Variants in DLG2 observed in about 807,000 individuals in gnomAD.
DLG2 encodes the protein discs large MAGUK scaffold protein 2, also known as disks large homolog 2.
A neutral mutation model predicts 132.5 loss-of-function variants in DLG2; 45 were observed. The ratio of observed to expected loss-of-function variants is 0.34; its 90% confidence interval spans 0.27 to 0.44. The LOEUF (loss-of-function observed/expected upper bound fraction) is 0.44, where lower values mean the gene tolerates loss of function less well. DLG2 is among the 20% of genes least tolerant of loss of function. The pLI is 1.00. For synonymous variants in DLG2, 424 were observed against 419.6 expected (o/e 1.01, Z -0.13); for missense variants, 1,045 against 1,196.9 (o/e 0.87, Z 1.87).
At chr11:85,129,412 C>G (rs1196582581) in intron 5 of DLG2, among the ~76,000 whole-genome samples, 1 of 152,274 alleles carries the variant, frequency 6.6e-6, no homozygotes, top group Admixed American at 6.5e-5. Context: ...TTTATCAGAG[C>G]ATTTACACAA....
At chr11:85,386,797 G>C (rs1427476573) in intron 3 of DLG2, among the ~76,000 whole-genome samples, 1 of 147,770 alleles carries the variant, frequency 6.8e-6, no homozygotes, top group African/African-American at 2.5e-5. Context: ...AAAAGGAAGG[G>C]AGAAAGGAAG....
chr11:85,392,911 C>T (rs1465597580), intron 3 of DLG2, among the ~76,000 whole-genome samples: 1 of 152,124 alleles, frequency 6.6e-6, no homozygotes, highest in Non-Finnish European at 1.5e-5. Context: ...TAGACATTGA[C>T]TTAGGCAAAG....
chr11:84,698,823 C>G (rs753544678), intron 6 of DLG2, among the ~76,000 whole-genome samples: 17 of 151,494 alleles, frequency 1.1e-4, no homozygotes, highest in Non-Finnish European at 2.1e-4. Context: ...CAATTCATCA[C>G]TGTTGAATTC....
intron 3 of DLG2, among the ~76,000 whole-genome samples, chr11:85,342,403 C>T (rs1011806208): frequency 6.6e-6 from 1 of 152,154 alleles, no homozygotes; most frequent in Admixed American, 6.5e-5. Flanking sequence ...ATCAATGTCA[C>T]TGTCTTCCAC....
chr11:83,694,560 G>GA (rs998609263), intron 18 of DLG2, among the ~76,000 whole-genome samples: 2 of 151,966 alleles, frequency 1.3e-5, no homozygotes, highest in African/African-American at 4.8e-5. Context: ...CATAAAGAAA[G>GA]AAAAAAGAAT....
intron 6 of DLG2, among the ~76,000 whole-genome samples, chr11:84,954,350 TA>T (rs11366441): frequency 0.33 from 38,021 of 113,732 alleles, 4,838 homozygotes; most frequent in South Asian, 0.4. Flanking sequence ...TCTTAAAGGA[TA>T]AAAAAAAAAA....
chr11:84,395,258 G>A (rs1001027459), intron 7 of DLG2, among the ~76,000 whole-genome samples: 1 of 151,360 alleles, frequency 6.6e-6, no homozygotes, highest in Admixed American at 6.6e-5. Flanking sequence ...TAAACAATAA[G>A]TATTTTATAA....
intron 8 of DLG2, among the ~76,000 whole-genome samples, chr11:84,241,926 T>G (rs1022943152): frequency 6.6e-6 from 1 of 152,208 alleles, no homozygotes; most frequent in Non-Finnish European, 1.5e-5. Context: ...TCTAACAACC[T>G]GACCTGTGAG....
At chr11:84,913,972 A>G (rs934323180) in intron 6 of DLG2, among the ~76,000 whole-genome samples, 1 of 152,164 alleles carries the variant, frequency 6.6e-6, no homozygotes, top group African/African-American at 2.4e-5. Context: ...ACTCCCTCCC[A>G]TCCAGGCTCA....
At chr11:85,204,582 G>A (rs1166612373) in intron 4 of DLG2, among the ~76,000 whole-genome samples, 1 of 151,840 alleles carries the variant, frequency 6.6e-6, no homozygotes, top group Admixed American at 6.6e-5. Flanking sequence ...TGAATTGGAA[G>A]AATTACTATT....
chr11:84,904,946 C>A (rs2091337551), intron 6 of DLG2, among the ~76,000 whole-genome samples: 1 of 152,144 alleles, frequency 6.6e-6, no homozygotes, highest in African/African-American at 2.4e-5. Flanking sequence ...TTTTTTGAGA[C>A]AGGGTCTCGC....
chr11:84,978,675 T>TA (rs2055281017), intron 6 of DLG2, among the ~76,000 whole-genome samples: 1 of 152,156 alleles, frequency 6.6e-6, no homozygotes, highest in Admixed American at 6.5e-5. Context: ...CAAGATGGAT[T>TA]AAAGATTTAA....
chr11:84,780,879 T>C (rs555456314), intron 6 of DLG2, among the ~76,000 whole-genome samples: 75 of 152,018 alleles, frequency 4.9e-4, no homozygotes, highest in African/African-American at 1.6e-3. Context: ...GCCATTATAG[T>C]TTTTTCCCAC....
intron 6 of DLG2, among the ~76,000 whole-genome samples, chr11:84,672,280 A>C (rs1361867600): frequency 2.0e-5 from 3 of 152,112 alleles, no homozygotes; most frequent in Non-Finnish European, 4.4e-5. Flanking sequence ...ACTCTGCCTA[A>C]ACCTAAATGA....
chr11:84,717,927 A>C (rs2061405226), intron 6 of DLG2, among the ~76,000 whole-genome samples: 1 of 152,112 alleles, frequency 6.6e-6, no homozygotes, highest in Non-Finnish European at 1.5e-5. Flanking sequence ...TGAGACTTAC[A>C]TAAATCATAT....
intron 7 of DLG2, among the ~76,000 whole-genome samples, chr11:84,430,445 A>T (rs2098980916): frequency 8.4e-6 from 1 of 118,548 alleles, no homozygotes. Context: ...CTCAAAAAAA[A>T]AAAAGAAAAG....
intron 6 of DLG2, among the ~76,000 whole-genome samples, chr11:85,097,968 A>G (rs1288190851): frequency 6.6e-6 from 1 of 152,222 alleles, no homozygotes; most frequent in Non-Finnish European, 1.5e-5. Flanking sequence ...TGTTTGGGCA[A>G]CATACATGAA....
intron 18 of DLG2, among the ~76,000 whole-genome samples, chr11:83,760,719 A>G (rs1274713598): frequency 6.6e-6 from 1 of 152,084 alleles, no homozygotes; most frequent in Non-Finnish European, 1.5e-5. Flanking sequence ...CAACAACAAA[A>G]AACTGTCTCC....
chr11:85,191,202 ACAC>A (rs1290819406), intron 4 of DLG2, among the ~76,000 whole-genome samples: 3 of 150,064 alleles, frequency 2.0e-5, no homozygotes, highest in African/African-American at 4.9e-5. Flanking sequence ...ACACACACAC[ACAC>A]GTTTGGATAT....
Sources: gnomAD v4.1 joint callset for allele counts (sites outside exome capture counted in the v4.1 genomes callset) on GRCh38, gnomAD v4.1.1 for gene constraint, MANE v1.5 for transcripts, NCBI Gene and HGNC (gene_info 2026-07-23, HGNC 2026-07-21) for gene names.